Variants in PAK6 observed in about 807,000 individuals in gnomAD.
PAK6 encodes p21 (RAC1) activated kinase 6.
In PAK6, 33 loss-of-function variants were observed where a neutral mutation model predicts 60.8. The observed-to-expected ratio is 0.54, with a 90% confidence interval of 0.41 to 0.73. The LOEUF is 0.73. PAK6 is among the 30% of genes least tolerant of loss of function. The pLI, the probability that PAK6 is intolerant of heterozygous loss-of-function variation, is 0.00. For missense variants in PAK6, 845 were observed against 904.1 expected, an observed-to-expected ratio of 0.93 and a Z score of 0.84; for synonymous variants, 404 against 378.5, an observed-to-expected ratio of 1.07 and a Z score of -0.78.
At chr15:40,270,891 CG>C (rs1401887075) in intron 5 of PAK6, among the ~76,000 whole-genome samples, 1 of 152,092 alleles carries the variant, frequency 6.6e-6, no homozygotes, top group Non-Finnish European at 1.5e-5. Flanking sequence ...CCTGAAGCTG[CG>C]GGGGGTCGGG....
chr15:40,273,309 G>T (rs367933909), intron 7 of PAK6, 37 bp from the exon 8 acceptor site: 1 of 1,605,548 alleles, frequency 6.2e-7, no homozygotes, highest in East Asian at 2.2e-5. Context: ...CAGAGCTAAC[G>T]TTCTCTTTCA....
exon 7 of PAK6, chr15:40,272,895 C>T (rs1179907879): frequency 6.2e-7 from 1 of 1,614,076 alleles, no homozygotes; most frequent in Non-Finnish European, 8.5e-7. Flanking sequence ...ACCAGCACTT[C>T]AACGTGGTGG....
intron 3 of PAK6, among the ~76,000 whole-genome samples, chr15:40,261,693 G>GC (rs1212662773): frequency 1.3e-5 from 2 of 152,134 alleles, no homozygotes; most frequent in African/African-American, 2.4e-5. Context: ...AGTCCTAGCT[G>GC]CCTCCCTTTA....
At chr15:40,274,797 A>C (rs1182159604) in intron 10 of PAK6, among the ~76,000 whole-genome samples, 2 of 152,088 alleles carry the variant, frequency 1.3e-5, no homozygotes, top group Non-Finnish European at 2.9e-5. Context: ...TATACATGTA[A>C]CCCTTTTTGC....
At chr15:40,242,083 C>T (rs373906067) in intron 2 of PAK6, among the ~76,000 whole-genome samples, 13 of 152,114 alleles carry the variant, frequency 8.5e-5, no homozygotes, top group East Asian at 1.9e-4. Context: ...AGGCCAGCAG[C>T]GGGCAGCAGG....
At chr15:40,275,935 A>G (rs201093320) in exon 11 of PAK6, 2 of 1,612,656 alleles carry the variant, frequency 1.2e-6, no homozygotes, top group East Asian at 4.5e-5. Context: ...AGGTCTCCCC[A>G]GTGCTGCGAG....
At chr15:40,243,235 T>G (rs1392068810) in intron 2 of PAK6, among the ~76,000 whole-genome samples, 1 of 152,202 alleles carries the variant, frequency 6.6e-6, no homozygotes, top group Non-Finnish European at 1.5e-5. Flanking sequence ...AAGAAGCAGC[T>G]TCTATCTGCA....
At chr15:40,273,352 TGAG>T (rs1292250840) in exon 8 of PAK6, 1 of 1,613,622 alleles carries the variant, frequency 6.2e-7, no homozygotes. Context: ...CCAGGCTGAA[TGAG>T]GAGCAGATTG....
At chr15:40,265,094 C>A in intron 4 of PAK6, 105 bp downstream of exon 4, 1 of 1,012,072 alleles carries the variant, frequency 9.9e-7, no homozygotes, top group Non-Finnish European at 1.4e-6. Flanking sequence ...TACTTCACAG[C>A]TATCAGTTAA....
At chr15:40,260,408 A>G (rs910446088) in intron 3 of PAK6, 1 of 152,106 alleles carries the variant, frequency 6.6e-6, no homozygotes, top group Non-Finnish European at 1.5e-5. Context: ...TAATCAAATG[A>G]CCTCATAAGA....
chr15:40,244,052 C>T (rs1176260344), intron 2 of PAK6, among the ~76,000 whole-genome samples: 1 of 152,220 alleles, frequency 6.6e-6, no homozygotes, highest in East Asian at 1.9e-4. Context: ...TAATCGTGGG[C>T]AAGGTGCAGT....
At chr15:40,270,954 C>T (rs1032324543) in intron 5 of PAK6, among the ~76,000 whole-genome samples, 3 of 152,154 alleles carry the variant, frequency 2.0e-5, no homozygotes, top group Non-Finnish European at 4.4e-5. Flanking sequence ...CTGGTGGGGC[C>T]CAAGGCCCAG....
intron 3 of PAK6, among the ~76,000 whole-genome samples, chr15:40,262,828 T>G (rs2039017917): frequency 6.6e-6 from 1 of 152,234 alleles, no homozygotes; most frequent in South Asian, 2.1e-4. Context: ...ATGAGCTGTC[T>G]TTCATTAACC....
In PAK6 at chr15:40,240,699, G is replaced by T; in HGVS notation, c.-118+18G>T. 2.3e-6 allele frequency: 1 copy of T among 439,494 alleles called. No individual in the cohort carries two copies. The highest frequency in any genetic ancestry group is 1.6e-5 in the South Asian group (1 of 62,092). The allele number at this position is 439,494 out of a possible 1,614,324, so 27.2% of individuals were successfully genotyped here. Reference sequence around the variant, plus strand: ...CAGCCACGGTAAGGTCCCCACTGCCGCTGCGTGCTCCGGATTCCTGGGCTA... The same window carrying T: ...CAGCCACGGTAAGGTCCCCACTGCCTCTGCGTGCTCCGGATTCCTGGGCTA... On this transcript the variant is annotated intron_variant, in intron 2 of 10. Coordinates refer to ENST00000560346, the Ensembl canonical transcript of PAK6.
At chr15:40,275,609 C>T (rs1463643777) in intron 10 of PAK6, among the ~76,000 whole-genome samples, 2 of 151,998 alleles carry the variant, frequency 1.3e-5, no homozygotes, top group Non-Finnish European at 2.9e-5. Flanking sequence ...TCTCAAAAGC[C>T]CTATGTGGCA....
intron 9 of PAK6, chr15:40,273,904 C>T: frequency 3.0e-6 from 2 of 669,286 alleles, no homozygotes; most frequent in South Asian, 3.7e-5. Context: ...TGGGGTATGG[C>T]CGGGCCTCCT....
rs55920845 is a variant in PAK6 at position 40,266,251 on chromosome 15, G to C, written c.614G>C (p.Gly205Ala). ...GCCTGCCTGCAGAGCTCCCCACCAGGAGCCTCGCCCCCCACGGGCACCAAT... is the reference window on the plus strand; with the variant it reads ...GCCTGCCTGCAGAGCTCCCCACCAGCAGCCTCGCCCCCCACGGGCACCAAT... Residue 205 changes from glycine (G) to alanine (A), a missense_variant, in exon 5 of 11, where the codon GGA (glycine) becomes GCA (alanine). Coordinates refer to ENST00000560346, the Ensembl canonical transcript of PAK6. 5.0e-6 allele frequency: 8 copies of C among 1,610,718 alleles called. No individual in the cohort carries two copies. Among genetic ancestry groups the C allele is most frequent in the Admixed American group, 3.3e-5 (2 of 59,980 alleles).
intron 2 of PAK6, among the ~76,000 whole-genome samples, chr15:40,241,562 G>C (rs1037500279): frequency 2.0e-5 from 3 of 152,168 alleles, no homozygotes; most frequent in Non-Finnish European, 4.4e-5. Flanking sequence ...TGGCACCTGG[G>C]AGCCCTAGTG....
intron 3 of PAK6, among the ~76,000 whole-genome samples, chr15:40,262,451 C>A (rs1259590124): frequency 1.3e-5 from 2 of 152,102 alleles, no homozygotes; most frequent in East Asian, 3.8e-4. Context: ...TTGCAGTGAG[C>A]CCAGATGGTG....
Sources: allele counts gnomAD v4.1 joint callset (sites outside exome capture counted in the v4.1 genomes callset), GRCh38; gene constraint gnomAD v4.1.1; transcripts MANE v1.5; gene names NCBI Gene and HGNC (gene_info 2026-07-23, HGNC 2026-07-21).